SEMA4D: variants seen among roughly 807,000 people sequenced by gnomAD.
The protein encoded by SEMA4D is semaphorin 4D.
SEMA4D carries 22 observed loss-of-function variants against 74.8 expected under a neutral mutation model. That is an observed-to-expected ratio of 0.29 (90% confidence interval 0.21 to 0.42). The LOEUF (loss-of-function observed/expected upper bound fraction) is 0.42, where lower values mean the gene tolerates loss of function less well. Ranked by LOEUF, SEMA4D falls within the 10% of genes least tolerant of loss-of-function variation. SEMA4D has a pLI of 1.00. For missense variants in SEMA4D, 937 were observed against 1,118.4 expected (o/e 0.84, Z 2.31); for synonymous variants, 445 against 463.7 (o/e 0.96, Z 0.52).
intron 1 of SEMA4D, among the ~76,000 whole-genome samples, chr9:89,461,748 G>A (rs1476248283): frequency 3.0e-5 from 4 of 131,184 alleles, no homozygotes; most frequent in African/African-American, 1.1e-4. Flanking sequence ...TCCCTCCCAG[G>A]CTGGAGTGCA....
chr9:89,387,769 G>T (rs1838867976), intron 11 of SEMA4D, among the ~76,000 whole-genome samples, 161 bp from the exon 12 acceptor site: 1 of 152,180 alleles, frequency 6.6e-6, no homozygotes, highest in Non-Finnish European at 1.5e-5. Flanking sequence ...ATGAGGAAAG[G>T]TGGCCTCTCC....
intron 2 of SEMA4D, among the ~76,000 whole-genome samples, chr9:89,453,986 TA>T (rs1361531496): frequency 6.6e-6 from 1 of 151,708 alleles, no homozygotes; most frequent in African/African-American, 2.4e-5. Context: ...GCCTCCTGAG[TA>T]GCTGGGACTA....
intron 2 of SEMA4D, among the ~76,000 whole-genome samples, chr9:89,431,273 C>T (rs574721929): frequency 5.9e-5 from 9 of 152,280 alleles, no homozygotes; most frequent in East Asian, 1.9e-4. Flanking sequence ...CCTGCTCCTG[C>T]GGGTGAGCCA....
chr9:89,470,285 A>G (rs894456840), intron 1 of SEMA4D, among the ~76,000 whole-genome samples: 4 of 152,268 alleles, frequency 2.6e-5, no homozygotes, highest in Admixed American at 1.3e-4. Flanking sequence ...TCAAAACTCA[A>G]TATCAAGAAA....
At chr9:89,468,097 C>A (rs1042279686) in intron 1 of SEMA4D, among the ~76,000 whole-genome samples, 2 of 152,218 alleles carry the variant, frequency 1.3e-5, no homozygotes, top group African/African-American at 4.8e-5. Context: ...ATCCAAACGA[C>A]TTTGATCACT....
At chr9:89,394,032 A>G (rs1438644691) in intron 6 of SEMA4D, among the ~76,000 whole-genome samples, 1 of 152,256 alleles carries the variant, frequency 6.6e-6, no homozygotes, top group Non-Finnish European at 1.5e-5. Context: ...GAATTTTAAC[A>G]TCAATAAAGA....
Position 89,362,542 on chromosome 9 carries a change from C to G in SEMA4D, c.2191-114G>C, listed in dbSNP as rs1005861537. 2.0e-5 allele frequency: 32 copies of G among 1,574,682 alleles called. No individual in the cohort carries two copies. The African/African-American group carries it at 3.9e-4, about 19-fold the overall frequency. On this transcript the variant is annotated intron_variant, in intron 18 of 18. Transcript: ENST00000339861. The stretch of plus-strand genomic sequence containing the variant: ...GGCAGAGCACTCAAGGCCTCAGCCC[C>G]CTGTTGTGGTTCCCCTCCTTGGAGT...
At chr9:89,424,050 C>T (rs1235659114) in intron 2 of SEMA4D, among the ~76,000 whole-genome samples, 1 of 150,714 alleles carries the variant, frequency 6.6e-6, no homozygotes, top group African/African-American at 2.4e-5. Flanking sequence ...GCTACTCCCT[C>T]AGCACCTCCC....
Position 89,378,728 on chromosome 9 carries a change from A to C in SEMA4D, c.2565T>G (p.Ala855=). Residue 855 remains alanine, a synonymous_variant, in exon 16 of 16, where the codon GCT becomes GCG. Coordinates refer to ENST00000422704, the MANE Select transcript of SEMA4D (RefSeq NM_001371194.2). The part of the protein sequence containing the change: ...PFDVKCELKF[A]DSDADGD The stretch of plus-strand genomic sequence containing the variant: ...CTCAGTCTCCATCTGCGTCTGAGTC[A>C]GCGAACTTCAGCTCACACTTGACGT... 1 of 1,614,120 alleles carries C rather than the reference A, an allele frequency of 6.2e-7. No individual in the cohort carries two copies.
intron 16 of SEMA4D, among the ~76,000 whole-genome samples, chr9:89,370,277 C>T (rs1001247446): frequency 4.0e-5 from 6 of 149,206 alleles, no homozygotes; most frequent in Admixed American, 3.3e-4. Flanking sequence ...GTGTGGTGGA[C>T]ATGATTGTGT....
intron 16 of SEMA4D, among the ~76,000 whole-genome samples, chr9:89,371,920 G>T (rs111207105): frequency 1.0e-4 from 4 of 39,902 alleles, no homozygotes; most frequent in African/African-American, 1.1e-4. Flanking sequence ...TGGTGTGTGG[G>T]GTGTGGTGTG....
intron 1 of SEMA4D, among the ~76,000 whole-genome samples, chr9:89,462,952 A>AGGGGAGGGGAGGGGAGCGAGCGAGGG (rs1564881735): frequency 1.1e-3 from 1 of 896 alleles, no homozygotes; most frequent in Non-Finnish European, 2.4e-3. Flanking sequence ...GAAAGAAAGG[A>AGGGGAGGGGAGGGGAGCGAGCGAGGG]GGGGGGAGCG....
In SEMA4D at chr9:89,470,970, T is replaced by C. The variant is rs545109120; in HGVS notation, c.-309-15017A>G. Among the ~76,000 whole-genome samples the C allele has an allele frequency of 2.6e-5, 4 of 152,344 alleles. No individual in the cohort carries two copies. In the South Asian group the frequency reaches 8.3e-4, roughly 32 times the overall value. ...CTCTGTATTCTAACTGTGGTCGTGG[T>C]TACACCATCTGCACATGTCTTAAAA... On this transcript the variant is annotated intron_variant, in intron 1 of 15. Coordinates refer to ENST00000422704, the MANE Select transcript of SEMA4D (RefSeq NM_001371194.2).
chr9:89,429,454 A>T (rs551752335), intron 2 of SEMA4D, among the ~76,000 whole-genome samples: 2 of 152,160 alleles, frequency 1.3e-5, no homozygotes, highest in Admixed American at 6.5e-5. Flanking sequence ...TCCGGAAGTC[A>T]TATCAGTGTT....
At position 89,371,291 on chromosome 9, in the gene SEMA4D, G is replaced by A. The variant is rs1283184286; in HGVS notation, c.1882+5542C>T. ...ATGTGTGTGGGGTGTGGTGTGTGAC[G>A]GTGTGTGTGTCTGGGGTGTGGTGTG... On this transcript the variant is annotated intron_variant, in intron 16 of 18. Coordinates refer to the SEMA4D transcript ENST00000339861. 5.2e-5 allele frequency among the ~76,000 whole-genome samples: 7 copies of A among 134,378 alleles called. No homozygotes were observed. The East Asian group carries it at 1.5e-3, about 28-fold the overall frequency. The allele number at this position is 134,378 out of a possible 152,430, so 88.2% of individuals were successfully genotyped here. A position where few individuals can be genotyped will look rare whatever the true frequency, so the allele number is the denominator to read the frequency against.
intron 16 of SEMA4D, among the ~76,000 whole-genome samples, chr9:89,371,072 T>TATAAGGTGTGTGTGGGG: frequency 1.7e-5 from 1 of 60,508 alleles, no homozygotes; most frequent in Non-Finnish European, 3.0e-5. Context: ...GTCTGGGGTG[T>TATAAGGTGTGTGTGGGG]GGGGTGTGTG....
In SEMA4D at chr9:89,438,791, G is replaced by A. The variant is rs182611631; in HGVS notation, c.-244+17097C>T. 7.3e-3 allele frequency among the ~76,000 whole-genome samples: 1,101 copies of A among 150,924 alleles called. 12 individuals carry two copies. Among genetic ancestry groups the A allele is most frequent in the African/African-American group, 0.026 (1,049 of 40,996 alleles). On this transcript the variant is annotated intron_variant, in intron 2 of 15. Coordinates refer to ENST00000422704, the MANE Select transcript of SEMA4D (RefSeq NM_001371194.2). ...CGCCATTCTCCTGCCTCAGTCTCCT[G>A]AGTAGCTGGGACTACAGGCGCATAC...
intron 1 of SEMA4D, chr9:89,472,782 A>T (rs1298711617): frequency 6.4e-6 from 1 of 155,664 alleles, no homozygotes; most frequent in Non-Finnish European, 1.4e-5. Context: ...TTTTCTAGAT[A>T]CATCTTGTAG....
chr9:89,364,326 C>T, intron 16 of SEMA4D: 1 of 341,740 alleles, frequency 2.9e-6, no homozygotes, highest in South Asian at 2.5e-5. Flanking sequence ...CCTGTGACCA[C>T]ATGGACAGAG....
Sources: gnomAD v4.1 joint callset for allele counts (sites outside exome capture counted in the v4.1 genomes callset) on GRCh38, gnomAD v4.1.1 for gene constraint, MANE v1.5 for transcripts, NCBI Gene and HGNC (gene_info 2026-07-23, HGNC 2026-07-21) for gene names.